The following PCDHGA3 variants were observed in gnomAD, a reference collection of about 807,000 sequenced individuals.
The protein encoded by PCDHGA3 is protocadherin gamma subfamily A, 3.
In PCDHGA3, 40 loss-of-function variants were observed where a neutral mutation model predicts 58.5. The observed-to-expected ratio is 0.68, with a 90% CI of 0.53 to 0.89. The LOEUF (loss-of-function observed/expected upper bound fraction) is 0.89, where lower values mean the gene tolerates loss of function less well. Ranked by LOEUF, PCDHGA3 falls within the 40% of genes least tolerant of loss-of-function variation. The probability of loss-of-function intolerance (pLI) is 0.00; values close to 1 mark genes in which losing one functional copy is unlikely to be tolerated. For missense variants in PCDHGA3, 1,223 were observed against 1,195.9 expected, an observed-to-expected ratio of 1.02 and a Z score of -0.33; for synonymous variants, 530 against 525.7, an observed-to-expected ratio of 1.01 and a Z score of -0.11.
At chr5:141,496,289 G>A (rs1347634489) in intron 2 of PCDHGA3, among the ~76,000 whole-genome samples, 3 of 152,224 alleles carry the variant, frequency 2.0e-5, no homozygotes, top group Non-Finnish European at 4.4e-5. Flanking sequence ...GGTCTGAGCA[G>A]AGTGGGATAG....
rs774630488 is a variant in PCDHGA3 at position 141,490,640 on chromosome 5, G to A, written c.2425-4167G>A. On this transcript the variant is annotated intron_variant, in intron 1 of 3. Transcript: ENST00000253812. The surrounding 1 kb of genome is among the most constrained non-coding windows in gnomAD (Gnocchi z 5.4). Reference sequence around the variant, plus strand: ...TACACTGCTTACATCCTAGAAAACCGGCCTCCGGGCTCCCTTCTTTGCACT... The same window carrying A: ...TACACTGCTTACATCCTAGAAAACCAGCCTCCGGGCTCCCTTCTTTGCACT... 2.6e-5 allele frequency: 42 copies of A among 1,614,004 alleles called. No individual in the cohort carries two copies. The highest frequency in any genetic ancestry group is 1.6e-4 in the Middle Eastern group (1 of 6,084).
intron 1 of PCDHGA3, chr5:141,357,345 G>A (rs1300447228): frequency 6.2e-7 from 1 of 1,613,990 alleles, no homozygotes. Flanking sequence ...TAGCACTCAA[G>A]CTGAGACGCT....
chr5:141,473,680 C>T (rs888876529), intron 1 of PCDHGA3, among the ~76,000 whole-genome samples: 3 of 152,100 alleles, frequency 2.0e-5, no homozygotes, highest in Non-Finnish European at 2.9e-5. Flanking sequence ...CAGGGAAGGG[C>T]TGGGGTTCTG....
In PCDHGA3 at chr5:141,361,747, G is replaced by A. The variant is rs960340216; in HGVS notation, c.2424+15290G>A. 35 of 1,612,978 alleles carry A rather than the reference G, an allele frequency of 2.2e-5. No homozygotes were observed. In the African/African-American group the frequency reaches 4.7e-4, roughly 22 times the overall value. ...GCTCACACTGCAGGCCCGCGACCAG[G>A]GCTCGCCCGCGCTCAGCGCCAACGT... On this transcript the variant is annotated intron_variant, in intron 1 of 3. Transcript: ENST00000253812.
chr5:141,448,496 G>A (rs1277705943), intron 1 of PCDHGA3, among the ~76,000 whole-genome samples: 1 of 152,024 alleles, frequency 6.6e-6, no homozygotes, highest in Non-Finnish European at 1.5e-5. Flanking sequence ...GTCCCCTGTA[G>A]GTAAACATTT....
Position 141,431,829 on chromosome 5 carries a change from C to T in PCDHGA3, c.2425-62978C>T, listed in dbSNP as rs758915768. On this transcript the variant is annotated intron_variant, in intron 1 of 3. Transcript: ENST00000253812. The surrounding 1 kb of genome is among the most constrained non-coding windows in gnomAD (Gnocchi z 4.8). ...CTCACCTCTCTCGCCAGCTCGGTTC[C>T]CGAAAACTCTCCCAGAGGGACATTA... The T allele has an allele frequency of 1.9e-6, 3 of 1,613,928 alleles. No individual in the cohort carries two copies. The highest frequency in any genetic ancestry group is 2.2e-5 in the South Asian group (2 of 91,090).
At chr5:141,379,227 T>C (rs1355383312) in intron 1 of PCDHGA3, 3 of 152,248 alleles carry the variant, frequency 2.0e-5, no homozygotes, top group Non-Finnish European at 4.4e-5. Flanking sequence ...TATGTGTTTT[T>C]CTGAACCAAT....
intron 1 of PCDHGA3, chr5:141,478,141 C>T (rs770862398): frequency 6.2e-7 from 1 of 1,614,044 alleles, no homozygotes; most frequent in Non-Finnish European, 8.5e-7. Context: ...AAGCCCGAGC[C>T]GAGTTCCCCT....
In PCDHGA3 at chr5:141,356,135, C is replaced by T. The variant is rs1051475792; in HGVS notation, c.2424+9678C>T. ...TTGGGGGGTCTAGATTATGAGGACT[C>T]TGGATTCTATGACATAGATGTAGAA... On this transcript the variant is annotated intron_variant, in intron 1 of 3. Coordinates refer to ENST00000253812, the MANE Select transcript of PCDHGA3 (RefSeq NM_018916.4). 3.3e-5 allele frequency: 53 copies of T among 1,613,762 alleles called. No individual in the cohort carries two copies. The African/African-American group carries it at 5.3e-4, about 16-fold the overall frequency.
rs745884101 is a variant in PCDHGA3 at position 141,344,281 on chromosome 5, G to A, written c.248G>A (p.Ser83Asn). 2.5e-6 allele frequency: 4 copies of A among 1,614,090 alleles called. No homozygotes were observed. The highest frequency in any genetic ancestry group is 3.4e-6 in the Non-Finnish European group (4 of 1,179,926). ...TTCTCTCTGAATCCGCAAAGCGGCAGCTTGGTCACCGCGGAGAGGATAGAC... is the reference window on the plus strand; with the variant it reads ...TTCTCTCTGAATCCGCAAAGCGGCAACTTGGTCACCGCGGAGAGGATAGAC... ...QLFSLNPQSGSLVTAERIDRE... is the reference protein window; with the variant it reads ...QLFSLNPQSGNLVTAERIDRE... The change falls in exon 1 of 4, where the codon AGC (serine) becomes AAC (asparagine). Residue 83 changes from serine (S) to asparagine (N), a missense_variant. Transcript: ENST00000253812.
intron 1 of PCDHGA3, chr5:141,385,593 C>A: frequency 8.1e-7 from 1 of 1,235,054 alleles, no homozygotes; most frequent in African/African-American, 1.6e-5. Flanking sequence ...TTCCAACCTA[C>A]TTTCTTAACT....
rs568472427 is a variant in PCDHGA3, at chr5:141,460,924, A to G, written c.2425-33883A>G. 3.3e-4 allele frequency among the ~76,000 whole-genome samples: 50 copies of G among 150,592 alleles called. No homozygotes were observed. The East Asian group carries it at 6.6e-3, about 20-fold the overall frequency. Reference sequence around the variant, plus strand: ...AATATTCCATGGTGTATATATATATATGTGTGTGTGTATATATATGTATTA... The same window carrying G: ...AATATTCCATGGTGTATATATATATGTGTGTGTGTGTATATATATGTATTA... On this transcript the variant is annotated intron_variant, in intron 1 of 3. Coordinates refer to ENST00000253812, the MANE Select transcript of PCDHGA3 (RefSeq NM_018916.4).
rs776132438 is a variant in PCDHGA3 at position 141,432,197 on chromosome 5, G to A, written c.2425-62610G>A. The A allele has an allele frequency of 2.5e-6, 4 of 1,614,112 alleles. No individual in the cohort carries two copies. The South Asian group carries it at 3.3e-5, about 13-fold the overall frequency. The stretch of plus-strand genomic sequence containing the variant: ...CGTCTCTGTGACCGCCCACGACCCC[G>A]ACTGTGAAGAGAACGCCCAGATCAC... On this transcript the variant is annotated intron_variant, in intron 1 of 3. Coordinates refer to ENST00000253812, the MANE Select transcript of PCDHGA3 (RefSeq NM_018916.4). The surrounding 1 kb of genome is among the most constrained non-coding windows in gnomAD (Gnocchi z 6.0).
chr5:141,482,998 T>C (rs1458221945), intron 1 of PCDHGA3, among the ~76,000 whole-genome samples: 1 of 152,008 alleles, frequency 6.6e-6, no homozygotes, highest in Non-Finnish European at 1.5e-5. Flanking sequence ...GGCAGGAGAA[T>C]TGCTTGAACC....
In PCDHGA3 at chr5:141,489,537, C is replaced by T. The variant is rs2099688580; in HGVS notation, c.2425-5270C>T. 6.2e-6 allele frequency: 10 copies of T among 1,614,118 alleles called. No homozygotes were observed. Among genetic ancestry groups the T allele is most frequent in the Non-Finnish European group, 8.5e-6 (10 of 1,180,028 alleles). ...ACCGAGAAAGCCTATGTGGAGCCAG[C>T]ACCAGCTGCCTGCTGCCAGTGCAGG... On this transcript the variant is annotated intron_variant, in intron 1 of 3. Transcript: ENST00000253812. This position sits in a 1 kb window ranked among gnomAD's most constrained non-coding sequence, Gnocchi z 4.5.
chr5:141,374,993 T>G (rs1439480761), intron 1 of PCDHGA3: 1 of 1,613,938 alleles, frequency 6.2e-7, no homozygotes, highest in Non-Finnish European at 8.5e-7. Flanking sequence ...AATTTCAACT[T>G]CTGCAAATCT....
In PCDHGA3 at chr5:141,432,536, G is replaced by A. The variant is rs767744134; in HGVS notation, c.2425-62271G>A. 6.2e-7 allele frequency: 1 copy of A among 1,614,050 alleles called. No individual in the cohort carries two copies. Among genetic ancestry groups the A allele is most frequent in the Non-Finnish European group, 8.5e-7 (1 of 1,180,006 alleles). On this transcript the variant is annotated intron_variant, in intron 1 of 3. Coordinates refer to ENST00000253812, the MANE Select transcript of PCDHGA3 (RefSeq NM_018916.4). This position sits in a 1 kb window ranked among gnomAD's most constrained non-coding sequence, Gnocchi z 6.0. ...CGGCTACCTGGTGACCAAGGTGGTG[G>A]CGGTGGACAGAGACTCCGGCCAGAA...
chr5:141,361,540 G>C, intron 1 of PCDHGA3: 2 of 1,614,018 alleles, frequency 1.2e-6, no homozygotes, highest in South Asian at 1.1e-5. Context: ...TCCTCCTGGC[G>C]CCTCTATCGC....
intron 1 of PCDHGA3, chr5:141,427,524 C>T (rs1421119651): frequency 1.6e-6 from 1 of 610,726 alleles, no homozygotes; most frequent in South Asian, 1.5e-5. Flanking sequence ...GGAGCGGATC[C>T]CGGAGTACAA....
Sources: allele counts gnomAD v4.1 joint callset (sites outside exome capture counted in the v4.1 genomes callset), GRCh38; gene constraint gnomAD v4.1.1; non-coding constraint Gnocchi (gnomAD v3.1); transcripts MANE v1.5; gene names NCBI Gene and HGNC (gene_info 2026-07-23, HGNC 2026-07-21).